NGF: variants seen among roughly 807,000 people sequenced by gnomAD.
NGF encodes nerve growth factor, also known as beta-nerve growth factor.
A neutral mutation model predicts 12.8 loss-of-function variants in NGF; 4 were observed. The observed-to-expected ratio is 0.31, with a 90% CI of 0.15 to 0.72. The LOEUF (loss-of-function observed/expected upper bound fraction) is 0.72. Ranked by LOEUF, NGF falls within the 30% of genes least tolerant of loss-of-function variation. The pLI is 0.69. For synonymous variants in NGF, 140 were observed against 130.0 expected (o/e 1.08, Z -0.52); for missense variants, 283 against 330.8 (o/e 0.86, Z 1.12).
At chr1:115,336,270 T>G (rs1389904718) in intron 1 of NGF, among the ~76,000 whole-genome samples, 1 of 152,236 alleles carries the variant, frequency 6.6e-6, no homozygotes, top group Non-Finnish European at 1.5e-5. Flanking sequence ...CAGCTGGTTC[T>G]AAAATCCTCT....
intron 1 of NGF, among the ~76,000 whole-genome samples, chr1:115,319,801 G>A (rs1353192028): frequency 3.9e-5 from 6 of 152,178 alleles, no homozygotes; most frequent in African/African-American, 1.4e-4. Context: ...TATTAAGGAA[G>A]AACAATGTCA....
chr1:115,304,177 A>AT lies in NGF; in HGVS notation c.-136-10428dup, dbSNP rs201709678. 2.1e-3 allele frequency among the ~76,000 whole-genome samples: 310 copies of AT among 150,178 alleles called. 5 individuals are homozygous for AT. The East Asian group carries it at 0.026, about 12-fold the overall frequency. On this transcript the variant is annotated intron_variant, in intron 1 of 2. Coordinates refer to ENST00000369512, the MANE Select transcript of NGF (RefSeq NM_002506.3). ...GATAGGTGCACATACACACACAAGTATTTTTTTTTCGAGATGTAGTTTTTG... is the reference window on the plus strand; with the variant it reads ...GATAGGTGCACATACACACACAAGTATTTTTTTTTTCGAGATGTAGTTTTTG...
intron 1 of NGF, among the ~76,000 whole-genome samples, chr1:115,309,130 TTG>T (rs2101039329): frequency 6.6e-6 from 1 of 152,298 alleles, no homozygotes; most frequent in Non-Finnish European, 1.5e-5. Context: ...AAGGTAGCCT[TTG>T]AGCCATTCTT....
chr1:115,304,140 C>T lies in NGF; in HGVS notation c.-136-10390G>A, dbSNP rs183667579. On this transcript the variant is annotated intron_variant, in intron 1 of 2. Coordinates refer to ENST00000369512, the MANE Select transcript of NGF (RefSeq NM_002506.3). ...GCAATACCTGTAATGGTCACAAGAA[C>T]ATTTATATATAGATAGGTGCACATA... Among the ~76,000 whole-genome samples, 382 of 151,904 alleles carry T rather than the reference C, an allele frequency of 2.5e-3. 2 individuals carry two copies. The highest frequency in any genetic ancestry group is 8.7e-3 in the African/African-American group (362 of 41,454).
chr1:115,320,482 C>A (rs1265988577), intron 1 of NGF, among the ~76,000 whole-genome samples: 4 of 152,084 alleles, frequency 2.6e-5, no homozygotes, highest in Non-Finnish European at 5.9e-5. Context: ...AAACCAGCGA[C>A]TAAGTGGGTA....
At position 115,286,146 on chromosome 1, in the gene NGF, T is replaced by A. The variant is rs1022626993; in HGVS notation, c.650A>T (p.Gln217Leu). 5 of 1,613,718 alleles carry A rather than the reference T, an allele frequency of 3.1e-6. No homozygotes were observed. Among genetic ancestry groups the A allele is most frequent in the Non-Finnish European group, 4.2e-6 (5 of 1,179,686 alleles). Residue 217 changes from glutamine (Q) to leucine (L), a missense_variant, in exon 3 of 3, where the codon CAG (glutamine) becomes CTG (leucine). By Grantham distance (113) the Gln-to-Leu change is moderately radical. Around this residue, in one of 2 missense-constraint regions of NGF, gnomAD observed 132 missense variants for 189.2 expected, o/e 0.70. Transcript: ENST00000369512. ...FVKALTMDGK[Q>L]AAWRFIRIDT... ...TATCCGGATAAACCGCCAGGCAGCC[T>A]GCTTGCCATCCATGGTCAGCGCCTT... is the stretch of plus-strand genomic sequence containing the variant.
chr1:115,312,989 A>G (rs373279195), intron 1 of NGF, among the ~76,000 whole-genome samples: 2 of 152,242 alleles, frequency 1.3e-5, no homozygotes, highest in Non-Finnish European at 2.9e-5. Flanking sequence ...TTGAATCAAT[A>G]TACCAAAAAT....
At chr1:115,335,781 G>A (rs980285105) in intron 1 of NGF, among the ~76,000 whole-genome samples, 5 of 152,234 alleles carry the variant, frequency 3.3e-5, no homozygotes, top group Non-Finnish European at 7.3e-5. Context: ...TCCATGCCCA[G>A]TAGAGAAGAG....
At chr1:115,328,218 G>A (rs554474422) in intron 1 of NGF, among the ~76,000 whole-genome samples, 3 of 152,140 alleles carry the variant, frequency 2.0e-5, no homozygotes, top group African/African-American at 4.8e-5. Context: ...CAGAATGGGG[G>A]CAGGCTAAGC....
intron 2 of NGF, among the ~76,000 whole-genome samples, chr1:115,287,547 G>C (rs558366930): frequency 6.6e-6 from 1 of 152,224 alleles, no homozygotes; most frequent in South Asian, 2.1e-4. Flanking sequence ...ATGAGTCTGT[G>C]AGTTCAATTA....
At chr1:115,313,262 C>G (rs771506436) in intron 1 of NGF, among the ~76,000 whole-genome samples, 1 of 152,186 alleles carries the variant, frequency 6.6e-6, no homozygotes, top group Non-Finnish European at 1.5e-5. Context: ...ATGGTTTGAG[C>G]CTTGGATGCA....
At chr1:115,309,711 A>T (rs1654291512) in intron 1 of NGF, among the ~76,000 whole-genome samples, 1 of 152,228 alleles carries the variant, frequency 6.6e-6, no homozygotes, top group Non-Finnish European at 1.5e-5. Flanking sequence ...CATATACACC[A>T]TGGAATACTA....
intron 1 of NGF, among the ~76,000 whole-genome samples, chr1:115,334,068 G>T (rs1445156568): frequency 6.6e-6 from 1 of 152,064 alleles, no homozygotes. Flanking sequence ...TGAGAATAAT[G>T]AGCTATTCTA....
intron 1 of NGF, among the ~76,000 whole-genome samples, chr1:115,306,163 T>C (rs1303032470): frequency 6.6e-6 from 1 of 152,232 alleles, no homozygotes; most frequent in Non-Finnish European, 1.5e-5. Flanking sequence ...CTTGGTCTGT[T>C]TGTCACTTTC....
At chr1:115,330,722 C>T (rs528837385) in intron 1 of NGF, among the ~76,000 whole-genome samples, 15 of 95,052 alleles carry the variant, frequency 1.6e-4, no homozygotes, top group South Asian at 1.0e-3. Context: ...GCTGTGGACT[C>T]GGTGACTTCA....
At chr1:115,329,097 G>T (rs1468468939) in intron 1 of NGF, among the ~76,000 whole-genome samples, 1 of 151,844 alleles carries the variant, frequency 6.6e-6, no homozygotes, top group African/African-American at 2.4e-5. Flanking sequence ...AAAGAGGAAG[G>T]GAGAAGGGAA....
At chr1:115,307,306 G>A (rs943218128) in intron 1 of NGF, among the ~76,000 whole-genome samples, 2 of 152,154 alleles carry the variant, frequency 1.3e-5, no homozygotes, top group Admixed American at 1.3e-4. Context: ...AATGAGAAGT[G>A]GGGGAAGCAG....
intron 1 of NGF, among the ~76,000 whole-genome samples, chr1:115,314,464 C>T (rs559132403): frequency 4.9e-4 from 74 of 152,302 alleles, no homozygotes; most frequent in African/African-American, 1.6e-3. Flanking sequence ...CCTTTGGGCA[C>T]GCTTCTTGTA....
At chr1:115,316,934 T>C (rs1447465127) in intron 1 of NGF, among the ~76,000 whole-genome samples, 1 of 152,196 alleles carries the variant, frequency 6.6e-6, no homozygotes, top group Admixed American at 6.5e-5. Flanking sequence ...TTAATTCCAA[T>C]TCCCTCCTAC....
Sources: allele counts gnomAD v4.1 joint callset (sites outside exome capture counted in the v4.1 genomes callset), GRCh38; gene constraint gnomAD v4.1.1; regional missense constraint gnomAD v4.1.1; transcripts MANE v1.5; gene names NCBI Gene and HGNC (gene_info 2026-07-23, HGNC 2026-07-21).